The following CADM2 variants were observed in gnomAD, a reference collection of about 807,000 sequenced individuals.
The protein encoded by CADM2 is immunoglobulin superfamily member 4D.
In CADM2, 12 loss-of-function variants were observed where a neutral mutation model predicts 49.8. That is an observed-to-expected ratio of 0.24 (90% confidence interval 0.15 to 0.39). The LOEUF (loss-of-function observed/expected upper bound fraction) is 0.39. Ranked by LOEUF, CADM2 falls within the 10% of genes least tolerant of loss-of-function variation. CADM2 has a pLI of 1.00. For missense variants in CADM2, 378 were observed against 492.3 expected (o/e 0.77, Z 2.20); for synonymous variants, 214 against 175.4 (o/e 1.22, Z -1.74).
At chr3:85,321,699 A>G (rs560482365) in intron 1 of CADM2, among the ~76,000 whole-genome samples, 1 of 152,204 alleles carries the variant, frequency 6.6e-6, no homozygotes, top group Non-Finnish European at 1.5e-5. Flanking sequence ...ACCATACTAC[A>G]TATGTGTCTT....
In CADM2 at chr3:86,068,720, T is replaced by A. The variant is rs536358919; in HGVS notation, c.*1937T>A. 2 of 152,498 alleles carry A rather than the reference T, an allele frequency of 1.3e-5. No individual in the cohort carries two copies. Among genetic ancestry groups the A allele is most frequent in the South Asian group, 4.1e-4 (2 of 4,830 alleles). The allele number at this position is 152,498 out of a possible 1,614,324, so 9.4% of individuals were successfully genotyped here. Reference sequence around the variant, plus strand: ...ACGATGTCAGTCAAGCAGCACTTTTTCAGAATATACAGAACATAAATAATA... The same window carrying A: ...ACGATGTCAGTCAAGCAGCACTTTTACAGAATATACAGAACATAAATAATA... On this transcript the variant is annotated 3_prime_UTR_variant, in exon 10 of 10. Coordinates refer to ENST00000383699, the MANE Select transcript of CADM2 (RefSeq NM_001167675.2).
chr3:86,046,616 A>T (rs945418699), intron 8 of CADM2, among the ~76,000 whole-genome samples: 2 of 152,110 alleles, frequency 1.3e-5, no homozygotes, highest in Non-Finnish European at 2.9e-5. Context: ...AAAATCACCA[A>T]GCTCAAGAAA....
At chr3:85,044,553 A>G (rs2107377730) in intron 1 of CADM2, among the ~76,000 whole-genome samples, 1 of 152,310 alleles carries the variant, frequency 6.6e-6, no homozygotes, top group South Asian at 2.1e-4. Context: ...CTCAGCAATG[A>G]GGATATCCTT....
At chr3:85,983,870 T>C (rs1014270189) in intron 8 of CADM2, among the ~76,000 whole-genome samples, 4 of 151,494 alleles carry the variant, frequency 2.6e-5, no homozygotes, top group Non-Finnish European at 5.9e-5. Flanking sequence ...GTATAACAGT[T>C]CATATACTTT....
intron 1 of CADM2, among the ~76,000 whole-genome samples, chr3:85,045,575 CA>C (rs147437342): frequency 4.4e-4 from 67 of 152,028 alleles, no homozygotes; most frequent in Non-Finnish European, 8.4e-4. Context: ...TATAATGTTC[CA>C]AATCAGTGAA....
At chr3:85,462,535 C>A (rs531666021) in intron 1 of CADM2, among the ~76,000 whole-genome samples, 13 of 152,222 alleles carry the variant, frequency 8.5e-5, no homozygotes, top group Admixed American at 2.6e-4. Context: ...CTGACTTCAA[C>A]AGAGTAACTC....
chr3:85,638,734 T>A (rs1335796229), intron 1 of CADM2, among the ~76,000 whole-genome samples: 1 of 152,082 alleles, frequency 6.6e-6, no homozygotes, highest in Non-Finnish European at 1.5e-5. Context: ...TCCCTGAAGG[T>A]TTCTTTCTTT....
At chr3:85,388,304 A>C (rs2107384955) in intron 1 of CADM2, among the ~76,000 whole-genome samples, 1 of 152,274 alleles carries the variant, frequency 6.6e-6, no homozygotes, top group Non-Finnish European at 1.5e-5. Flanking sequence ...AAATCATAGG[A>C]GACTTTGGCA....
intron 3 of CADM2, among the ~76,000 whole-genome samples, chr3:85,866,297 A>T (rs1220923534): frequency 2.0e-5 from 3 of 152,162 alleles, no homozygotes; most frequent in Non-Finnish European, 4.4e-5. Context: ...GCTTTTCTGG[A>T]CCTACCCACC....
chr3:85,088,579 G>T (rs1327663665), intron 1 of CADM2, among the ~76,000 whole-genome samples: 1 of 151,944 alleles, frequency 6.6e-6, no homozygotes, highest in African/African-American at 2.4e-5. Flanking sequence ...TTAGGAAATA[G>T]GCCTCTGAAA....
chr3:85,549,121 AAGGGGTC>A (rs1234693446), intron 1 of CADM2, among the ~76,000 whole-genome samples: 1 of 152,168 alleles, frequency 6.6e-6, no homozygotes, highest in African/African-American at 2.4e-5. Context: ...GAGGAGTCTC[AAGGGGTC>A]AGTATTAGCA....
chr3:85,587,043 C>T (rs2062964403), intron 1 of CADM2, among the ~76,000 whole-genome samples: 1 of 152,012 alleles, frequency 6.6e-6, no homozygotes. Flanking sequence ...TGGTGTCATA[C>T]ATTTGAAGTT....
intron 3 of CADM2, among the ~76,000 whole-genome samples, chr3:85,809,389 G>A (rs1391798132): frequency 6.6e-6 from 1 of 152,138 alleles, no homozygotes; most frequent in East Asian, 1.9e-4. Context: ...TCAGGAGTTT[G>A]AGACAAGCCT....
intron 7 of CADM2, among the ~76,000 whole-genome samples, chr3:85,943,674 C>G (rs1237197333): frequency 2.6e-5 from 4 of 151,930 alleles, no homozygotes; most frequent in Non-Finnish European, 5.9e-5. Flanking sequence ...GTACCCAAAA[C>G]AGCATGGTAC....
intron 1 of CADM2, among the ~76,000 whole-genome samples, chr3:85,196,580 T>G (rs2107735929): frequency 6.6e-6 from 1 of 152,114 alleles, no homozygotes; most frequent in East Asian, 1.9e-4. Flanking sequence ...ATTGATTGAT[T>G]TATTCTAGAA....
chr3:85,936,816 T>C (rs965909238), intron 7 of CADM2, among the ~76,000 whole-genome samples: 6 of 151,810 alleles, frequency 4.0e-5, no homozygotes, highest in Admixed American at 3.3e-4. Context: ...GTCATTATAT[T>C]TTTTACCATA....
intron 2 of CADM2, among the ~76,000 whole-genome samples, chr3:85,737,554 T>A (rs1559623430): frequency 1.6e-5 from 2 of 121,660 alleles, no homozygotes; most frequent in African/African-American, 6.7e-5. Flanking sequence ...TAATTCATTC[T>A]TTTCTTTCTT....
chr3:85,942,796 C>T (rs1189525652), intron 7 of CADM2, among the ~76,000 whole-genome samples: 4 of 151,958 alleles, frequency 2.6e-5, no homozygotes, highest in East Asian at 3.9e-4. Flanking sequence ...AGTAAACATA[C>T]GTGTGCATGT....
Position 85,477,732 on chromosome 3 carries a change from A to G in CADM2, c.62-248790A>G, listed in dbSNP as rs189120413. On this transcript the variant is annotated intron_variant, in intron 1 of 9. Transcript: ENST00000383699. The stretch of plus-strand genomic sequence containing the variant: ...TTGCACAATCTAGATATTGCATTGT[A>G]TTTTCCTCTCACCTTCTGTAGGGAT... Among the ~76,000 whole-genome samples the G allele has an allele frequency of 1.0e-3, 153 of 151,954 alleles. 2 individuals carry two copies. Among genetic ancestry groups the G allele is most frequent in the Admixed American group, 4.3e-3 (65 of 15,218 alleles).
Sources: gnomAD v4.1 joint callset for allele counts (sites outside exome capture counted in the v4.1 genomes callset) on GRCh38, gnomAD v4.1.1 for gene constraint, MANE v1.5 for transcripts, NCBI Gene and HGNC (gene_info 2026-07-23, HGNC 2026-07-21) for gene names.